The following AFM variants were observed in gnomAD, a reference collection of about 807,000 sequenced individuals.
AFM encodes the protein afamin.
A neutral mutation model predicts 68.7 loss-of-function variants in AFM; 82 were observed. The observed-to-expected ratio is 1.19, with a 90% CI of 1.00 to 1.43. The LOEUF is 1.43. Among genes scored for constraint, AFM ranks in the 40% most tolerant of loss-of-function variants. The pLI, the probability that AFM is intolerant of heterozygous loss-of-function variation, is 0.00. For synonymous variants in AFM, 250 were observed against 234.2 expected (o/e 1.07, Z -0.61); for missense variants, 772 against 701.8 (o/e 1.10, Z -1.13).
intron 7 of AFM, among the ~76,000 whole-genome samples, chr4:73,489,132 T>C (rs1720997942): frequency 6.6e-6 from 1 of 152,224 alleles, no homozygotes; most frequent in Non-Finnish European, 1.5e-5. Context: ...GTTAACATTA[T>C]GTTTTTAAGA....
In AFM at chr4:73,491,784, A is replaced by G. The variant is rs181372203; in HGVS notation, c.844-88A>G. ...TGATGAAGTGATTCCAGATGCTGCG[A>G]TCATGACTGGTTTTGCATGCCATCA... is the stretch of plus-strand genomic sequence containing the variant. On this transcript the variant is annotated intron_variant, in intron 7 of 14. Transcript: ENST00000226355. 1.3e-3 allele frequency: 1,387 copies of G among 1,082,686 alleles called. 4 individuals are homozygous for G. Among genetic ancestry groups the G allele is most frequent in the Non-Finnish European group, 1.7e-3 (1,257 of 723,414 alleles). 67.1% of individuals were successfully genotyped at this position (1,082,686 alleles called of 1,614,324 possible). A position where few individuals can be genotyped will look rare whatever the true frequency, so the allele number is the denominator to read the frequency against.
At chr4:73,482,219 CTGG>C (rs1720734267) in intron 1 of AFM, among the ~76,000 whole-genome samples, 1 of 152,218 alleles carries the variant, frequency 6.6e-6, no homozygotes, top group African/African-American at 2.4e-5. Context: ...TGGGATTTTT[CTGG>C]AACCTTTGGT....
rs930371931 is a variant in AFM, at chr4:73,485,851, C to T, written c.271-11C>T. The T allele has an allele frequency of 6.2e-7, 1 of 1,609,966 alleles. No individual in the cohort carries two copies. Among genetic ancestry groups the T allele is most frequent in the Non-Finnish European group, 8.5e-7 (1 of 1,176,700 alleles). On this transcript the variant is annotated splice_polypyrimidine_tract_variant and intron_variant, in intron 3 of 14. Coordinates refer to ENST00000226355, the MANE Select transcript of AFM (RefSeq NM_001133.2). ...TGACTAAAAATTGTCCTTTTCTTCT[C>T]TGTTGTATAGAATAATGTTTTACAG...
At chr4:73,491,655 C>T (rs903902511) in intron 7 of AFM, among the ~76,000 whole-genome samples, 5 of 152,086 alleles carry the variant, frequency 3.3e-5, no homozygotes, top group Non-Finnish European at 7.4e-5. Flanking sequence ...CCTATTTTTT[C>T]ATAATTATAT....
In AFM at chr4:73,489,257, TCCC is replaced by T. The variant is rs1363528139; in HGVS notation, c.843+499_843+501del. On this transcript the variant is annotated intron_variant, in intron 7 of 14. Transcript: ENST00000226355. ...TTTTGGTTCCTTTTTCCTTACCTTC[TCCC>T]TTCCCTTTTCCTGTTCCCTCCCTTT... Among the ~76,000 whole-genome samples the T allele has an allele frequency of 2.0e-5, 3 of 152,228 alleles. No individual in the cohort carries two copies. In the East Asian group the frequency reaches 5.8e-4, roughly 29 times the overall value.
intron 8 of AFM, 124 bp from the exon 9 acceptor site, chr4:73,495,176 A>C: frequency 1.1e-6 from 1 of 876,916 alleles, no homozygotes; most frequent in Non-Finnish European, 1.6e-6. Flanking sequence ...TGTGACCAAG[A>C]CAGAGGAGAA....
In AFM at chr4:73,491,852, C is replaced by A; in HGVS notation, c.844-20C>A. The A allele has an allele frequency of 1.3e-6, 2 of 1,593,166 alleles. No homozygotes were observed. The highest frequency in any genetic ancestry group is 1.7e-6 in the Non-Finnish European group (2 of 1,165,516). ...ACCCAGCCTGAAAGTAAAATAATCT[C>A]TCATTCTTATTTGGTACAGAGCAAG... On this transcript the variant is annotated intron_variant, in intron 7 of 14. Coordinates refer to ENST00000226355, the MANE Select transcript of AFM (RefSeq NM_001133.2).
intron 7 of AFM, 68 bp from the exon 8 acceptor site, chr4:73,491,804 C>A: frequency 2.3e-6 from 3 of 1,291,942 alleles, no homozygotes; most frequent in Non-Finnish European, 3.3e-6. Flanking sequence ...GTTTTGCATG[C>A]CATCATTCCA....
Position 73,503,064 on chromosome 4 carries a change from CA to C in AFM, c.1796del (p.Asn599ThrfsTer29). The C allele has an allele frequency of 6.2e-7, 1 of 1,613,106 alleles. No individual in the cohort carries two copies. Among genetic ancestry groups the C allele is most frequent in the South Asian group, 1.1e-5 (1 of 91,018 alleles). ...CFNEESPKIG[N>X] ...CCTCACCTCAGAGTCCAAAAATTGG[CA>C]ACTGAAGCCAGCTGCTGGAGATATG... is the stretch of plus-strand genomic sequence containing the variant. On this transcript the variant is annotated frameshift_variant, in exon 14 of 15. Coordinates refer to ENST00000226355, the MANE Select transcript of AFM (RefSeq NM_001133.2). LOFTEE classifies it high-confidence loss of function.
chr4:73,492,642 T>C (rs1300605275), intron 8 of AFM, among the ~76,000 whole-genome samples: 1 of 151,514 alleles, frequency 6.6e-6, no homozygotes, highest in African/African-American at 2.4e-5. Context: ...TTTTGTCATA[T>C]ATAAAATTCA....
At position 73,487,108 on chromosome 4, in the gene AFM, A is replaced by G. The variant is rs2149343499; in HGVS notation, c.615+9A>G. ...ACTGCCTTCAAACAAGGGTGGGTATAGCATTTGTTCCATGAAGAGGATAAG... is the reference window on the plus strand; with the variant it reads ...ACTGCCTTCAAACAAGGGTGGGTATGGCATTTGTTCCATGAAGAGGATAAG... On this transcript the variant is annotated intron_variant, in intron 5 of 14. Transcript: ENST00000226355. 1 of 1,613,766 alleles carries G rather than the reference A, an allele frequency of 6.2e-7. No individual in the cohort carries two copies. Among genetic ancestry groups the G allele is most frequent in the East Asian group, 2.2e-5 (1 of 44,860 alleles).
At chr4:73,483,826 CTGT>C in intron 1 of AFM, 112 bp from the exon 2 acceptor site, 1 of 801,018 alleles carries the variant, frequency 1.2e-6, no homozygotes, top group South Asian at 2.2e-5. Context: ...AAATTATCTC[CTGT>C]CATCAGTGGT....
In AFM at chr4:73,483,985, T is replaced by C. The variant is rs779884392; in HGVS notation, c.133T>C (p.Tyr45His). 3.5e-5 allele frequency: 54 copies of C among 1,523,160 alleles called. No individual in the cohort carries two copies. Among genetic ancestry groups the C allele is most frequent in the Non-Finnish European group, 4.6e-5 (51 of 1,113,208 alleles). 94.4% of individuals were successfully genotyped at this position (1,523,160 alleles called of 1,614,324 possible). ...TQKFIEDNIE[Y>H]ITIIAFAQYV... ...AAAATTTATAGAAGATAATATTGAA[T>C]ACATGTGAGTTGTGCTAAATACTTT... Residue 45 changes from tyrosine to histidine, a missense_variant, in exon 2 of 15, where the codon TAC becomes CAC. Tyr to His is a moderately conservative substitution (Grantham distance 83, BLOSUM62 2). Coordinates refer to ENST00000226355, the MANE Select transcript of AFM (RefSeq NM_001133.2).
At chr4:73,487,855 G>A (rs1720949767) in intron 6 of AFM, 34 bp downstream of exon 6, 3 of 1,393,666 alleles carry the variant, frequency 2.2e-6, no homozygotes, top group African/African-American at 2.9e-5. Flanking sequence ...GTCTCTGCTT[G>A]CATTTCCTTG....
intron 3 of AFM, among the ~76,000 whole-genome samples, chr4:73,485,541 AAGGAGAAGGAGAAGG>A (rs1246225630): frequency 6.6e-6 from 1 of 151,592 alleles, no homozygotes; most frequent in African/African-American, 2.4e-5. Flanking sequence ...AGCAGAAAAC[AAGGAGAAGGAGAAGG>A]AGGAGAAGGA....
In AFM at chr4:73,488,691, G is replaced by T. The variant is rs767963481; in HGVS notation, c.775G>T (p.Val259Leu). 2.5e-6 allele frequency: 4 copies of T among 1,612,932 alleles called. No individual in the cohort carries two copies. Among genetic ancestry groups the T allele is most frequent in the Non-Finnish European group, 3.4e-6 (4 of 1,179,188 alleles). The stretch of plus-strand genomic sequence containing the variant: ...TGAATTTAAGGAGCTTATTTCTCTT[G>T]TAGAAGATGTTTCTTCCAACTATGA... ...KIEFKELISL[V>L]EDVSSNYDGC... The change falls in exon 7 of 15, where the codon GTA (valine) becomes TTA (leucine). Residue 259 changes from valine (V) to leucine (L), a missense_variant. By Grantham distance (32) the Val-to-Leu change is conservative. Coordinates refer to ENST00000226355, the MANE Select transcript of AFM (RefSeq NM_001133.2).
In AFM at chr4:73,495,358, A is replaced by G. The variant is rs777577891; in HGVS notation, c.1117A>G (p.Ile373Val). ...CCTGTCTATACCAGAGCTTTTAAGA[A>G]TTGTTCAAATATACAAAGATCTCCT... ...PDLSIPELLR[I>V]VQIYKDLLRN... Residue 373 changes from isoleucine to valine, a missense_variant, in exon 9 of 15, where the codon ATT becomes GTT. Physicochemically the swap from Ile to Val is conservative, Grantham distance 29. Coordinates refer to ENST00000226355, the MANE Select transcript of AFM (RefSeq NM_001133.2). 10 of 1,613,174 alleles carry G rather than the reference A, an allele frequency of 6.2e-6. No homozygotes were observed. The East Asian group carries it at 2.0e-4, about 32-fold the overall frequency.
rs576058895 is a variant in AFM, at chr4:73,495,087, A to G, written c.1059-213A>G. ...CTAATTCTCTCTTCTCAAATAAAAA[A>G]TATTGTTAATCTAAAACGTACCATG... On this transcript the variant is annotated intron_variant, in intron 8 of 14. Transcript: ENST00000226355. The G allele has an allele frequency of 3.4e-5, 12 of 353,724 alleles. 1 individual carries two copies. The South Asian group carries it at 6.9e-4, about 20-fold the overall frequency. The allele number at this position is 353,724 out of a possible 1,614,324, so 21.9% of individuals were successfully genotyped here. A position where few individuals can be genotyped will look rare whatever the true frequency, so the allele number is the denominator to read the frequency against.
intron 7 of AFM, among the ~76,000 whole-genome samples, chr4:73,490,371 C>T (rs916020836): frequency 1.3e-5 from 2 of 151,800 alleles, no homozygotes; most frequent in East Asian, 1.9e-4. Context: ...ATCTCCTTTG[C>T]GATTTATTTT....
Sources: allele counts gnomAD v4.1 joint callset (sites outside exome capture counted in the v4.1 genomes callset), GRCh38; gene constraint gnomAD v4.1.1; transcripts MANE v1.5; gene names NCBI Gene and HGNC (gene_info 2026-07-23, HGNC 2026-07-21).